The following CCDC191 variants were observed in gnomAD, a reference collection of about 807,000 sequenced individuals.
The protein encoded by CCDC191 is coiled-coil domain containing 191.
CCDC191 carries 99 observed loss-of-function variants against 114.0 expected under a neutral mutation model. The ratio of observed to expected loss-of-function variants is 0.87; its 90% CI spans 0.74 to 1.03. The LOEUF (loss-of-function observed/expected upper bound fraction) is 1.03, where lower values mean the gene tolerates loss of function less well. CCDC191 is among the 50% of genes least tolerant of loss of function. CCDC191 has a pLI of 0.00. For missense variants in CCDC191, 973 were observed against 1,087.0 expected (o/e 0.90, Z 1.47); for synonymous variants, 351 against 376.0 (o/e 0.93, Z 0.77).
At chr3:113,990,208 A>G (rs995097016) in intron 13 of CCDC191, among the ~76,000 whole-genome samples, 5 of 152,184 alleles carry the variant, frequency 3.3e-5, no homozygotes, top group Non-Finnish European at 7.3e-5. Flanking sequence ...ATATCCAGGT[A>G]AACCAGAAGA....
chr3:114,044,553 A>T (rs1449046856), intron 3 of CCDC191, among the ~76,000 whole-genome samples: 1 of 152,238 alleles, frequency 6.6e-6, no homozygotes, highest in African/African-American at 2.4e-5. Flanking sequence ...TTTAATACAG[A>T]TAAAATAGGA....
intron 16 of CCDC191, among the ~76,000 whole-genome samples, chr3:113,970,440 A>G (rs1049962045): frequency 2.0e-5 from 3 of 152,106 alleles, no homozygotes; most frequent in South Asian, 4.2e-4. Flanking sequence ...GATTACAGCC[A>G]TGAGCCATCA....
chr3:113,995,679 C>T (rs2075700466), intron 13 of CCDC191, among the ~76,000 whole-genome samples: 1 of 152,142 alleles, frequency 6.6e-6, no homozygotes, highest in Non-Finnish European at 1.5e-5. Context: ...ATTTCTGGTT[C>T]TAGATCCTTG....
intron 16 of CCDC191, among the ~76,000 whole-genome samples, chr3:113,973,160 G>A (rs530461163): frequency 6.6e-6 from 1 of 152,212 alleles, no homozygotes; most frequent in South Asian, 2.1e-4. Flanking sequence ...GTGGCAAAAC[G>A]ATTTTCTCAG....
chr3:114,017,988 G>A (rs2076187503), intron 8 of CCDC191, among the ~76,000 whole-genome samples: 1 of 152,110 alleles, frequency 6.6e-6, no homozygotes, highest in South Asian at 2.1e-4. Context: ...AATAAAGAAA[G>A]CCTCATTTGA....
At chr3:113,993,520 T>C (rs1485822609) in intron 13 of CCDC191, among the ~76,000 whole-genome samples, 1 of 152,186 alleles carries the variant, frequency 6.6e-6, no homozygotes, top group East Asian at 1.9e-4. Context: ...AAACAAATGA[T>C]ACTGGAACAA....
At position 114,036,604 on chromosome 3, in the gene CCDC191, C is replaced by T. The variant is rs2076486936; in HGVS notation, c.594+4G>A. 2 of 1,570,638 alleles carry T rather than the reference C, an allele frequency of 1.3e-6. No individual in the cohort carries two copies. The highest frequency in any genetic ancestry group is 1.7e-6 in the Non-Finnish European group (2 of 1,159,554). ...TCCATTTTAATTTTGTTTTTCCCTC[C>T]CACCTGCTTATGTCTCATCTCCATG... is the stretch of plus-strand genomic sequence containing the variant. On this transcript the variant is annotated splice_donor_region_variant and intron_variant, in intron 5 of 16. Coordinates refer to ENST00000295878, the MANE Select transcript of CCDC191 (RefSeq NM_020817.2).
intron 11 of CCDC191, chr3:114,003,406 G>A (rs2075890497): frequency 1.0e-6 from 1 of 985,258 alleles, no homozygotes; most frequent in Non-Finnish European, 1.2e-6. Context: ...GTTATTAAGT[G>A]TCTGCTTTGC....
chr3:113,976,063 C>T (rs1193816435), intron 16 of CCDC191, among the ~76,000 whole-genome samples: 1 of 151,876 alleles, frequency 6.6e-6, no homozygotes, highest in Non-Finnish European at 1.5e-5. Context: ...TTGAGATCAG[C>T]CTGGGCAGCA....
chr3:114,053,653 A>C lies in CCDC191; in HGVS notation c.91-18T>G, dbSNP rs1218183391. 4 of 1,551,014 alleles carry C rather than the reference A, an allele frequency of 2.6e-6. No individual in the cohort carries two copies. In the African/African-American group the frequency reaches 5.5e-5, roughly 21 times the overall value. The stretch of plus-strand genomic sequence containing the variant: ...AAAGTAGGCTGTAGATAACATATAT[A>C]TGATATCAATACGCAGCAATATCTT... On this transcript the variant is annotated intron_variant, in intron 1 of 16. Coordinates refer to ENST00000295878, the MANE Select transcript of CCDC191 (RefSeq NM_020817.2).
At chr3:113,974,537 G>A (rs915647462) in intron 16 of CCDC191, among the ~76,000 whole-genome samples, 4 of 149,294 alleles carry the variant, frequency 2.7e-5, no homozygotes, top group African/African-American at 9.7e-5. Context: ...CCAGGCTGGT[G>A]TCGAATTCCT....
chr3:114,031,527 G>T, intron 7 of CCDC191, 99 bp downstream of exon 7: 1 of 1,019,890 alleles, frequency 9.8e-7, no homozygotes, highest in Non-Finnish European at 1.5e-6. Context: ...TTTGTGATGA[G>T]GTTCAACTGG....
chr3:114,041,467 A>C (rs1281628330), intron 4 of CCDC191, among the ~76,000 whole-genome samples: 1 of 152,194 alleles, frequency 6.6e-6, no homozygotes, highest in Non-Finnish European at 1.5e-5. Context: ...ACTAACGGAA[A>C]CTTCTATGAG....
chr3:114,007,449 AC>A (rs2075990792), intron 9 of CCDC191, among the ~76,000 whole-genome samples: 1 of 152,224 alleles, frequency 6.6e-6, no homozygotes, highest in South Asian at 2.1e-4. Flanking sequence ...TTTAAAAGTA[AC>A]CTTTTATTTC....
chr3:114,005,953 C>T lies in CCDC191; in HGVS notation c.1423G>A (p.Val475Met), dbSNP rs1355613445. 2.5e-6 allele frequency: 4 copies of T among 1,613,596 alleles called. No homozygotes were observed. The highest frequency in any genetic ancestry group is 3.4e-6 in the Non-Finnish European group (4 of 1,179,642). The change falls in exon 10 of 17, where the codon GTG becomes ATG. Residue 475 changes from valine (V) to methionine (M), a missense_variant. Coordinates refer to ENST00000295878, the MANE Select transcript of CCDC191 (RefSeq NM_020817.2). ...PPVKNGQETA[V>M]PPLWEKPPLG... ...GGAGGCTTTTCCCACAAAGGGGGCA[C>T]AGCAGTCTCCTGAGAGAGAGAAACA...
At position 113,964,143 on chromosome 3, in the gene CCDC191, T is replaced by TA. The variant is rs59647151; in HGVS notation, c.*1011dup. ...TGAGACAGTAACAAGAACATTCACT[T>TA]AAAAAACCACAGAATTTTATTTTGT... is the stretch of plus-strand genomic sequence containing the variant. On this transcript the variant is annotated 3_prime_UTR_variant, in exon 17 of 17. Transcript: ENST00000295878. The TA allele has an allele frequency of 3.9e-5, 6 of 152,300 alleles. No individual in the cohort carries two copies. The highest frequency in any genetic ancestry group is 3.9e-4 in the Admixed American group (6 of 15,292). The allele number at this position is 152,300 out of a possible 1,614,324, so 9.4% of individuals were successfully genotyped here.
intron 16 of CCDC191, among the ~76,000 whole-genome samples, chr3:113,977,189 TGGC>T (rs1290127767): frequency 1.3e-5 from 2 of 152,092 alleles, no homozygotes; most frequent in Non-Finnish European, 2.9e-5. Flanking sequence ...CCTAGCTACT[TGGC>T]GGGCTGAGGC....
At chr3:114,041,181 A>T (rs1469175832) in intron 4 of CCDC191, among the ~76,000 whole-genome samples, 1 of 152,164 alleles carries the variant, frequency 6.6e-6, no homozygotes, top group East Asian at 1.9e-4. Context: ...CTTCAGAACA[A>T]ATATGAAGTA....
At chr3:114,024,552 G>T (rs1051863866) in intron 7 of CCDC191, among the ~76,000 whole-genome samples, 3 of 152,154 alleles carry the variant, frequency 2.0e-5, no homozygotes, top group African/African-American at 7.2e-5. Context: ...CCTTTGTAGG[G>T]ACACAGATGA....
Sources: gnomAD v4.1 joint callset for allele counts (sites outside exome capture counted in the v4.1 genomes callset) on GRCh38, gnomAD v4.1.1 for gene constraint, MANE v1.5 for transcripts, NCBI Gene and HGNC (gene_info 2026-07-23, HGNC 2026-07-21) for gene names.